The following TTC7A variants were observed in gnomAD, a reference collection of about 807,000 sequenced individuals.
TTC7A encodes the protein tetratricopeptide repeat protein 7A.
Under a neutral mutation model 103.7 loss-of-function variants are expected in TTC7A, and 110 were observed. That is an observed-to-expected ratio of 1.06 (90% CI 0.91 to 1.24). TTC7A has a LOEUF of 1.24. Ranked by LOEUF, TTC7A falls within the 50% of genes most tolerant of loss-of-function variation. TTC7A has a pLI of 0.00. For missense variants in TTC7A, 1,340 were observed against 1,116.3 expected (o/e 1.20, Z -2.86); for synonymous variants, 521 against 467.9 (o/e 1.11, Z -1.47).
Position 47,049,981 on chromosome 2 carries a change from G to A in TTC7A, c.1952G>A (p.Gly651Asp), listed in dbSNP as rs1225945686. 1.2e-6 allele frequency: 2 copies of A among 1,614,134 alleles called. No individual in the cohort carries two copies. Among genetic ancestry groups the A allele is most frequent in the Admixed American group, 1.7e-5 (1 of 60,028 alleles). The change falls in exon 17 of 20, where the codon GGC (glycine) becomes GAC (aspartate). Residue 651 changes from glycine to aspartate, a missense_variant. Physicochemically the swap from Gly to Asp is moderately conservative, Grantham distance 94. Coordinates refer to ENST00000319190, the MANE Select transcript of TTC7A (RefSeq NM_020458.4). ...GAAAAGGATGGCAGCTTCGGTGAGGGCCTCACCATGAAGAAGCAGAGTGGC... is the reference window on the plus strand; with the variant it reads ...GAAAAGGATGGCAGCTTCGGTGAGGACCTCACCATGAAGAAGCAGAGTGGC... Reference protein sequence around the residue: ...GLEKDGSFGEGLTMKKQSGMH... With the variant: ...GLEKDGSFGEDLTMKKQSGMH...
chr2:47,003,452 T>G (rs762905353), intron 8 of TTC7A, among the ~76,000 whole-genome samples: 2 of 151,842 alleles, frequency 1.3e-5, no homozygotes, highest in Non-Finnish European at 2.9e-5. Context: ...CCATGGTGAC[T>G]GTAGGGACCA....
At position 47,049,951 on chromosome 2, in the gene TTC7A, G is replaced by A. The variant is rs1682706568; in HGVS notation, c.1922G>A (p.Gly641Asp). 6.2e-7 allele frequency: 1 copy of A among 1,613,980 alleles called. No individual in the cohort carries two copies. Among genetic ancestry groups the A allele is most frequent in the Non-Finnish European group, 8.5e-7 (1 of 1,179,908 alleles). ...QTLYSFSQLG[G>D]LEKDGSFGEG... is the part of the protein sequence containing the mutation. The stretch of plus-strand genomic sequence containing the variant: ...CCTGGCCCTCTTTTGCCTTCCAGAG[G>A]CCTAGAAAAGGATGGCAGCTTCGGT... The change falls in exon 17 of 20, where the codon GGC (glycine) becomes GAC (aspartate). Residue 641 changes from glycine to aspartate, a missense_variant and splice_region_variant. Physicochemically the swap from Gly to Asp is moderately conservative, Grantham distance 94. Coordinates refer to ENST00000319190, the MANE Select transcript of TTC7A (RefSeq NM_020458.4).
chr2:46,923,365 C>A (rs531726754), intron 2 of TTC7A, among the ~76,000 whole-genome samples: 4 of 152,268 alleles, frequency 2.6e-5, no homozygotes, highest in South Asian at 4.1e-4. Context: ...TTCTGAATTA[C>A]CTGGGGGCTG....
chr2:47,046,330 G>A lies in TTC7A; in HGVS notation c.1818G>A (p.Lys606=). The A allele has an allele frequency of 3.1e-6, 5 of 1,614,064 alleles. No homozygotes were observed. Among genetic ancestry groups the A allele is most frequent in the South Asian group, 1.1e-5 (1 of 91,070 alleles). The change falls in exon 16 of 20, where the codon AAG becomes AAA. Residue 606 remains lysine (K), a synonymous_variant. Transcript: ENST00000319190. Reference sequence around the variant, plus strand: ...GTCCCCACAGCCTGATGTTCACCAAGGTGAAGCTGGAGCAGGTGCTGAAAG... The same window carrying A: ...GTCCCCACAGCCTGATGTTCACCAAAGTGAAGCTGGAGCAGGTGCTGAAAG... ...HPENFNLMFT[K]VKLEQVLKGP...
intron 3 of TTC7A, among the ~76,000 whole-genome samples, chr2:46,971,954 C>T (rs1162030620): frequency 6.5e-5 from 8 of 123,638 alleles, no homozygotes; most frequent in Admixed American, 1.7e-4. Flanking sequence ...CAGGAAGGGA[C>T]GGAGGTAGGG....
chr2:46,980,865 A>G (rs1674381713), intron 5 of TTC7A, among the ~76,000 whole-genome samples: 1 of 152,228 alleles, frequency 6.6e-6, no homozygotes, highest in Non-Finnish European at 1.5e-5. Flanking sequence ...CCAGGAGAGC[A>G]GTTTACTTGC....
intron 18 of TTC7A, among the ~76,000 whole-genome samples, chr2:47,056,262 G>A (rs1177501333): frequency 6.6e-6 from 1 of 152,240 alleles, no homozygotes; most frequent in African/African-American, 2.4e-5. Context: ...CTGAGTGTCT[G>A]ATGCTTATTT....
chr2:47,030,486 G>A (rs903820830), intron 15 of TTC7A, among the ~76,000 whole-genome samples: 3 of 152,184 alleles, frequency 2.0e-5, no homozygotes, highest in Non-Finnish European at 2.9e-5. Flanking sequence ...CCAGCGTGCC[G>A]AGCACTGCTG....
chr2:46,940,074 A>AG (rs1670204468), upstream of TTC7A, among the ~76,000 whole-genome samples: 1 of 152,096 alleles, frequency 6.6e-6, no homozygotes, highest in Non-Finnish European at 1.5e-5. The surrounding 1 kb of genome is among the most constrained non-coding windows in gnomAD (Gnocchi z 4.7). Context: ...GGGAACAGGA[A>AG]GACTGTCTTC....
chr2:47,070,732 G>C (rs1387595396), intron 19 of TTC7A, among the ~76,000 whole-genome samples: 1 of 152,160 alleles, frequency 6.6e-6, no homozygotes, highest in Non-Finnish European at 1.5e-5. Context: ...GTCCTGAGGT[G>C]GGAATTTCTG....
intron 19 of TTC7A, among the ~76,000 whole-genome samples, chr2:47,073,501 G>A (rs952420263): frequency 2.6e-5 from 4 of 152,186 alleles, no homozygotes; most frequent in Non-Finnish European, 5.9e-5. Flanking sequence ...CAGGAGGCTG[G>A]GGTTAAAGCA....
intron 3 of TTC7A, among the ~76,000 whole-genome samples, chr2:46,961,976 T>C (rs1464325574): frequency 1.3e-5 from 2 of 152,214 alleles, no homozygotes; most frequent in Admixed American, 1.3e-4. Flanking sequence ...TCTGCAGTGC[T>C]GCCCACTCCC....
At chr2:47,005,816 G>A (rs1470386878) in intron 8 of TTC7A, 106 bp from the exon 9 acceptor site, 8 of 1,321,018 alleles carry the variant, frequency 6.1e-6, no homozygotes, top group Non-Finnish European at 8.5e-6. Context: ...TTGGGGCAGT[G>A]GCAAAAAGGT....
Position 47,060,861 on chromosome 2 carries a change from T to C in TTC7A, c.2245T>C (p.Tyr749His), listed in dbSNP as rs1315222428. Residue 749 changes from tyrosine (Y) to histidine (H), a missense_variant, in exon 19 of 20, where the codon TAT becomes CAT. Tyr to His is a moderately conservative substitution (Grantham distance 83, BLOSUM62 2). Transcript: ENST00000319190. ...CTTCCCCACTTCTCACTCAGTACTC[T>C]ATATGCGGGGCCGGCTGGCTGAGGT... is the stretch of plus-strand genomic sequence containing the variant. Reference protein sequence around the residue: ...GLFPTSHSVLYMRGRLAEVKG... With the variant: ...GLFPTSHSVLHMRGRLAEVKG... The C allele has an allele frequency of 6.2e-7, 1 of 1,614,030 alleles. No individual in the cohort carries two copies. Among genetic ancestry groups the C allele is most frequent in the Admixed American group, 1.7e-5 (1 of 60,004 alleles).
chr2:47,054,226 C>G, intron 18 of TTC7A: 3 of 934,608 alleles, frequency 3.2e-6, no homozygotes, highest in Non-Finnish European at 3.8e-6. Flanking sequence ...GTGTCTTGCA[C>G]AAGGTGGGTG....
chr2:47,013,071 C>T (rs1678251699), intron 11 of TTC7A, among the ~76,000 whole-genome samples: 1 of 152,152 alleles, frequency 6.6e-6, no homozygotes, highest in Admixed American at 6.5e-5. Context: ...GTTTTCTCAT[C>T]TGTAAAATGG....
At position 47,027,500 on chromosome 2, in the gene TTC7A, C is replaced by T. The variant is rs17481879; in HGVS notation, c.1642-1724C>T. Among the ~76,000 whole-genome samples, 1,335 of 152,354 alleles carry T rather than the reference C, an allele frequency of 8.8e-3. 16 individuals carry two copies. Among genetic ancestry groups the T allele is most frequent in the South Asian group, 0.025 (120 of 4,830 alleles). On this transcript the variant is annotated intron_variant, in intron 14 of 19. Transcript: ENST00000319190. The stretch of plus-strand genomic sequence containing the variant: ...ATAGAAGATAGCATTTTTGCATGTA[C>T]ATTAGCTCTTTGAACCCTTCTGTGG...
intron 1 of TTC7A, among the ~76,000 whole-genome samples, chr2:46,943,946 T>TG (rs1670697571): frequency 6.6e-6 from 1 of 152,166 alleles, no homozygotes; most frequent in Admixed American, 6.5e-5. Flanking sequence ...AGATGAGCTG[T>TG]GGGGACTCTT....
intron 2 of TTC7A, among the ~76,000 whole-genome samples, chr2:46,953,474 A>G (rs933544542): frequency 5.9e-5 from 9 of 152,010 alleles, no homozygotes; most frequent in East Asian, 1.9e-4. Flanking sequence ...AGTATTTTCT[A>G]TCTCACCCGC....
Sources: allele counts gnomAD v4.1 joint callset (sites outside exome capture counted in the v4.1 genomes callset), GRCh38; gene constraint gnomAD v4.1.1; non-coding constraint Gnocchi (gnomAD v3.1); transcripts MANE v1.5; gene names NCBI Gene and HGNC (gene_info 2026-07-23, HGNC 2026-07-21).